NPAS3: variants seen among roughly 807,000 people sequenced by gnomAD.
NPAS3 encodes the protein neuronal PAS domain protein 3.
In NPAS3, 14 loss-of-function variants were observed where a neutral mutation model predicts 73.1. The ratio of observed to expected loss-of-function variants is 0.19; its 90% CI spans 0.13 to 0.30. NPAS3 has a LOEUF of 0.30. Ranked by LOEUF, NPAS3 falls within the 10% of genes least tolerant of loss-of-function variation. The probability of loss-of-function intolerance (pLI) is 1.00; values close to 1 mark genes in which losing one functional copy is unlikely to be tolerated. For synonymous variants in NPAS3, 620 were observed against 541.5 expected, an observed-to-expected ratio of 1.14 and a Z score of -2.01; for missense variants, 1,096 against 1,250.0, an observed-to-expected ratio of 0.88 and a Z score of 1.86.
intron 2 of NPAS3, among the ~76,000 whole-genome samples, chr14:33,136,865 G>A (rs1445856726): frequency 6.6e-6 from 1 of 152,146 alleles, no homozygotes; most frequent in Non-Finnish European, 1.5e-5. Flanking sequence ...CTGATCTATG[G>A]AAGAAGGCAG....
At chr14:33,688,133 A>G (rs760364113) in intron 6 of NPAS3, among the ~76,000 whole-genome samples, 13 of 152,184 alleles carry the variant, frequency 8.5e-5, no homozygotes, top group Non-Finnish European at 1.8e-4. Context: ...TACATGCATA[A>G]ATTGCATGTC....
intron 3 of NPAS3, among the ~76,000 whole-genome samples, chr14:33,248,620 G>A (rs1199360657): frequency 1.3e-5 from 2 of 152,084 alleles, no homozygotes; most frequent in Non-Finnish European, 2.9e-5. Flanking sequence ...AAAAATCTCT[G>A]GTGTGTAGTG....
downstream of NPAS3, chr14:33,801,182 A>G (rs1314940649): frequency 3.4e-5 from 52 of 1,521,802 alleles, no homozygotes; most frequent in Non-Finnish European, 4.5e-5. Flanking sequence ...TTAGACCTTT[A>G]ATTCTAGCAC....
intron 2 of NPAS3, among the ~76,000 whole-genome samples, chr14:33,145,664 G>T (rs1004221574): frequency 2.0e-5 from 3 of 152,096 alleles, no homozygotes; most frequent in Non-Finnish European, 4.4e-5. Context: ...TTAATTTTCT[G>T]CACTGCCCAT....
intron 3 of NPAS3, among the ~76,000 whole-genome samples, chr14:33,247,154 T>C (rs2048421196): frequency 6.9e-6 from 1 of 144,804 alleles, no homozygotes; most frequent in South Asian, 2.2e-4. Context: ...AGTACTTTAA[T>C]GTACATTCTA....
chr14:33,244,624 C>T (rs2048318412), intron 3 of NPAS3, among the ~76,000 whole-genome samples: 1 of 152,056 alleles, frequency 6.6e-6, no homozygotes, highest in Non-Finnish European at 1.5e-5. Flanking sequence ...ATGAAACAGG[C>T]CAAGACAGGC....
chr14:33,142,033 T>C (rs2044066228), intron 2 of NPAS3, among the ~76,000 whole-genome samples: 1 of 152,252 alleles, frequency 6.6e-6, no homozygotes, highest in East Asian at 1.9e-4. Context: ...CTTATTTCTT[T>C]TGCCATTCAA....
At chr14:33,443,562 C>T (rs905257362) in intron 4 of NPAS3, among the ~76,000 whole-genome samples, 1 of 152,282 alleles carries the variant, frequency 6.6e-6, no homozygotes, top group Non-Finnish European at 1.5e-5. Context: ...CCTCCACACA[C>T]GCTAAGGAGC....
intron 3 of NPAS3, among the ~76,000 whole-genome samples, chr14:33,354,297 G>A (rs893373221): frequency 2.6e-5 from 4 of 151,846 alleles, no homozygotes; most frequent in South Asian, 2.1e-4. Context: ...CTGCTCAACC[G>A]ACTGCAGTGC....
chr14:33,575,307 C>T (rs112443817), intron 5 of NPAS3, among the ~76,000 whole-genome samples: 34 of 152,208 alleles, frequency 2.2e-4, no homozygotes, highest in African/African-American at 6.3e-4. Context: ...TTCATTGTTC[C>T]TATTTTTTAA....
intron 1 of NPAS3, among the ~76,000 whole-genome samples, chr14:33,025,627 GA>G (rs774686554): frequency 1.5e-4 from 23 of 152,168 alleles, no homozygotes; most frequent in Non-Finnish European, 2.6e-4. Flanking sequence ...GATCTGGTGG[GA>G]GGTGATTGGA....
intron 2 of NPAS3, among the ~76,000 whole-genome samples, chr14:33,105,512 G>A (rs2042697293): frequency 6.6e-6 from 1 of 152,012 alleles, no homozygotes; most frequent in Non-Finnish European, 1.5e-5. Context: ...TGTATATCCA[G>A]CTACTTATTT....
intron 3 of NPAS3, among the ~76,000 whole-genome samples, chr14:33,340,735 G>A (rs1424407424): frequency 6.6e-6 from 1 of 152,070 alleles, no homozygotes; most frequent in Non-Finnish European, 1.5e-5. Flanking sequence ...CATGCTAATG[G>A]GTTGTTTCTA....
chr14:33,003,753 A>G (rs897025689), intron 1 of NPAS3, among the ~76,000 whole-genome samples: 4 of 152,202 alleles, frequency 2.6e-5, no homozygotes, highest in African/African-American at 9.6e-5. Context: ...TGTCCCTTAC[A>G]TTTTAATTTT....
intron 1 of NPAS3, among the ~76,000 whole-genome samples, chr14:33,016,365 A>G (rs989660623): frequency 1.6e-4 from 25 of 151,858 alleles, no homozygotes; most frequent in Non-Finnish European, 8.8e-5. Flanking sequence ...TTAAGACTGT[A>G]AAAGACTGCG....
intron 2 of NPAS3, among the ~76,000 whole-genome samples, chr14:33,201,300 G>GGTGTGTGTGTGCGTGTGT (rs140334132): frequency 6.6e-6 from 1 of 150,922 alleles, no homozygotes; most frequent in Admixed American, 6.6e-5. Context: ...CCCTAACAAT[G>GGTGTGTGTGTGCGTGTGT]GTGTGTGTGT....
At chr14:33,727,173 G>A (rs548504760) in intron 6 of NPAS3, among the ~76,000 whole-genome samples, 1 of 149,240 alleles carries the variant, frequency 6.7e-6, no homozygotes, top group Admixed American at 6.8e-5. Context: ...AAACATGGCG[G>A]TTCAGCTGGA....
At chr14:33,569,848 A>G (rs1245259772) in intron 5 of NPAS3, among the ~76,000 whole-genome samples, 2 of 152,184 alleles carry the variant, frequency 1.3e-5, no homozygotes, top group Non-Finnish European at 2.9e-5. Flanking sequence ...GTCCTTATAA[A>G]CAGGGGAGAC....
At chr14:33,627,881 A>T (rs1168768433) in intron 5 of NPAS3, among the ~76,000 whole-genome samples, 1 of 152,192 alleles carries the variant, frequency 6.6e-6, no homozygotes, top group East Asian at 1.9e-4. Context: ...CAACAAAGAG[A>T]TGTCCAAATA....
Sources: allele counts gnomAD v4.1 joint callset (sites outside exome capture counted in the v4.1 genomes callset), GRCh38; gene constraint gnomAD v4.1.1; transcripts MANE v1.5; gene names NCBI Gene and HGNC (gene_info 2026-07-23, HGNC 2026-07-21).